The following CTNNA3 variants were observed in gnomAD, a reference collection of about 807,000 sequenced individuals.
CTNNA3 encodes the protein catenin alpha 3.
Under a neutral mutation model 95.7 loss-of-function variants are expected in CTNNA3, and 76 were observed. The observed-to-expected ratio is 0.79, with a 90% CI of 0.66 to 0.96. CTNNA3 has a LOEUF of 0.96. Among genes scored for constraint, CTNNA3 ranks in the 40% least tolerant of loss-of-function variants. The pLI, the probability that CTNNA3 is intolerant of heterozygous loss-of-function variation, is 0.00. For missense variants in CTNNA3, 1,191 were observed against 1,089.8 expected, an observed-to-expected ratio of 1.09 and a Z score of -1.31; for synonymous variants, 431 against 374.4, an observed-to-expected ratio of 1.15 and a Z score of -1.74.
intron 17 of CTNNA3, among the ~76,000 whole-genome samples, chr10:65,957,308 A>G (rs1450263552): frequency 6.6e-6 from 1 of 152,170 alleles, no homozygotes; most frequent in Non-Finnish European, 1.5e-5. Context: ...GGGTCTCCTG[A>G]ATACAGCATG....
chr10:66,325,154 G>A (rs976580049), intron 12 of CTNNA3, among the ~76,000 whole-genome samples: 1 of 151,998 alleles, frequency 6.6e-6, no homozygotes, highest in African/African-American at 2.4e-5. Context: ...CACACGAAAG[G>A]CAGGAGTGCA....
At chr10:67,726,651 A>T (rs1333413605) in intron 1 of CTNNA3, among the ~76,000 whole-genome samples, 5 of 71,618 alleles carry the variant, frequency 7.0e-5, no homozygotes, top group Admixed American at 5.0e-4. Context: ...TATATACTAT[A>T]ATATATTATA....
chr10:66,633,285 A>G (rs1845209933), intron 9 of CTNNA3, among the ~76,000 whole-genome samples: 1 of 152,180 alleles, frequency 6.6e-6, no homozygotes, highest in African/African-American at 2.4e-5. Flanking sequence ...TAATATTATG[A>G]TTCTGTAAAA....
At chr10:66,360,599 CT>C (rs1491151918) in intron 12 of CTNNA3, among the ~76,000 whole-genome samples, 1 of 47,512 alleles carries the variant, frequency 2.1e-5, no homozygotes, top group East Asian at 6.9e-4. Context: ...TTCTTTCCTT[CT>C]TTCTTTCTTT....
chr10:66,531,525 G>A (rs1005695573), intron 10 of CTNNA3, among the ~76,000 whole-genome samples: 1 of 152,040 alleles, frequency 6.6e-6, no homozygotes, highest in Non-Finnish European at 1.5e-5. Context: ...TTGCCACCAT[G>A]CCCAACTAAT....
At chr10:67,522,400 C>T (rs1260663864) in intron 4 of CTNNA3, among the ~76,000 whole-genome samples, 2 of 152,192 alleles carry the variant, frequency 1.3e-5, no homozygotes, top group East Asian at 3.9e-4. Flanking sequence ...CGATATTTTG[C>T]TATAATGGCA....
chr10:66,071,714 T>C (rs149235961), intron 14 of CTNNA3, among the ~76,000 whole-genome samples: 34 of 152,308 alleles, frequency 2.2e-4, no homozygotes, highest in African/African-American at 7.0e-4. Flanking sequence ...CTTTAAATTA[T>C]ATACCATGAT....
At chr10:67,550,982 G>T (rs1204356584) in intron 3 of CTNNA3, among the ~76,000 whole-genome samples, 1 of 152,142 alleles carries the variant, frequency 6.6e-6, no homozygotes, top group Non-Finnish European at 1.5e-5. Context: ...GAAGAGCTGG[G>T]TAGAGGAGGG....
chr10:66,237,817 A>C (rs1206079011), intron 13 of CTNNA3, among the ~76,000 whole-genome samples: 1 of 152,156 alleles, frequency 6.6e-6, no homozygotes, highest in Non-Finnish European at 1.5e-5. Flanking sequence ...AATCATACAA[A>C]GTCCATATCA....
At chr10:67,046,741 C>G (rs779335568) in intron 7 of CTNNA3, among the ~76,000 whole-genome samples, 54 of 152,276 alleles carry the variant, frequency 3.5e-4, no homozygotes, top group Middle Eastern at 6.8e-3. Flanking sequence ...ATCCTTCTCT[C>G]TAAAATCTAG....
chr10:66,020,055 C>A lies in CTNNA3; in HGVS notation c.2160-31258G>T, dbSNP rs547163963. Among the ~76,000 whole-genome samples the A allele has an allele frequency of 2.0e-5, 3 of 152,310 alleles. No individual in the cohort carries two copies. The East Asian group carries it at 5.8e-4, about 29-fold the overall frequency. On this transcript the variant is annotated intron_variant, in intron 15 of 17. Coordinates refer to ENST00000433211, the MANE Select transcript of CTNNA3 (RefSeq NM_013266.4). Reference sequence around the variant, plus strand: ...AAATACATGTATTTCAAAACTTATTCTTTCCTTCATCACAAAATACTCATC... The same window carrying A: ...AAATACATGTATTTCAAAACTTATTATTTCCTTCATCACAAAATACTCATC...
At chr10:67,183,071 A>T (rs1350102977) in intron 6 of CTNNA3, among the ~76,000 whole-genome samples, 1 of 152,182 alleles carries the variant, frequency 6.6e-6, no homozygotes, top group Non-Finnish European at 1.5e-5. Flanking sequence ...AGAAACAGGA[A>T]CACTTTTACA....
chr10:66,857,414 C>A (rs1208306591), intron 7 of CTNNA3, among the ~76,000 whole-genome samples: 2 of 150,900 alleles, frequency 1.3e-5, no homozygotes, highest in African/African-American at 4.9e-5. Context: ...TCCACATGAA[C>A]TTTAAAATAG....
rs958925390 is a variant in CTNNA3, at chr10:67,597,957, C to T, written c.292+8900G>A. The stretch of plus-strand genomic sequence containing the variant: ...ACCAGCCAAAGAGTTATGGTGGTGG[C>T]TACAGGAAAGTATATCAGCTGGGCG... On this transcript the variant is annotated intron_variant, in intron 3 of 17. Transcript: ENST00000433211. 1.2e-4 allele frequency among the ~76,000 whole-genome samples: 18 copies of T among 152,124 alleles called. No individual in the cohort carries two copies. The East Asian group carries it at 3.5e-3, about 29-fold the overall frequency.
At chr10:67,165,328 G>C (rs1282454111) in intron 7 of CTNNA3, among the ~76,000 whole-genome samples, 1 of 152,116 alleles carries the variant, frequency 6.6e-6, no homozygotes, top group African/African-American at 2.4e-5. Context: ...GAATAGATTT[G>C]CATTTGCCGA....
At chr10:66,162,527 A>G (rs1023352690) in intron 13 of CTNNA3, among the ~76,000 whole-genome samples, 2 of 151,972 alleles carry the variant, frequency 1.3e-5, no homozygotes, top group Non-Finnish European at 2.9e-5. Context: ...CTGGTACTGC[A>G]GGTTGTCTGT....
At chr10:66,406,807 T>C (rs953519831) in intron 11 of CTNNA3, among the ~76,000 whole-genome samples, 2 of 152,176 alleles carry the variant, frequency 1.3e-5, no homozygotes, top group Admixed American at 6.6e-5. Context: ...TGTATAATTA[T>C]GTCATTATAA....
At chr10:67,616,931 G>A (rs1037135992) in intron 2 of CTNNA3, among the ~76,000 whole-genome samples, 3 of 152,112 alleles carry the variant, frequency 2.0e-5, no homozygotes, top group African/African-American at 7.2e-5. Context: ...TAAAAACGAT[G>A]TATAACTGGA....
At chr10:66,083,924 T>C (rs565567676) in intron 14 of CTNNA3, among the ~76,000 whole-genome samples, 1 of 151,698 alleles carries the variant, frequency 6.6e-6, no homozygotes, top group South Asian at 2.1e-4. Flanking sequence ...TTACCTAAGG[T>C]TGGGAATTCG....
Sources: allele counts gnomAD v4.1 joint callset (sites outside exome capture counted in the v4.1 genomes callset), GRCh38; gene constraint gnomAD v4.1.1; transcripts MANE v1.5; gene names NCBI Gene and HGNC (gene_info 2026-07-23, HGNC 2026-07-21).